The following NLRP9 variants were observed in gnomAD, a reference collection of about 807,000 sequenced individuals.
NLRP9 encodes NLR family pyrin domain containing 9.
A neutral mutation model predicts 83.1 loss-of-function variants in NLRP9; 88 were observed. That is an observed-to-expected ratio of 1.06 (90% CI 0.89 to 1.26). The LOEUF (loss-of-function observed/expected upper bound fraction) is 1.26, where lower values mean the gene tolerates loss of function less well. Ranked by LOEUF, NLRP9 falls within the 50% of genes most tolerant of loss-of-function variation. The pLI is 0.00. For missense variants in NLRP9, 1,308 were observed against 1,179.3 expected (o/e 1.11, Z -1.60); for synonymous variants, 521 against 447.6 (o/e 1.16, Z -2.07).
At chr19:55,723,133 C>A (rs542009316) in intron 4 of NLRP9, among the ~76,000 whole-genome samples, 29 of 152,028 alleles carry the variant, frequency 1.9e-4, no homozygotes, top group Non-Finnish European at 3.8e-4. Flanking sequence ...TACTCCAGAA[C>A]TTAAAGTATA....
At chr19:55,722,200 G>A (rs1271332206) in intron 4 of NLRP9, among the ~76,000 whole-genome samples, 1 of 151,968 alleles carries the variant, frequency 6.6e-6, no homozygotes, top group African/African-American at 2.4e-5. Context: ...ACCCCAAAAG[G>A]CAACATTCCC....
chr19:55,724,156 T>TAA lies in NLRP9; in HGVS notation c.1995-14_1995-13dup. 9 of 1,426,844 alleles carry TAA rather than the reference T, an allele frequency of 6.3e-6. No individual in the cohort carries two copies. Among genetic ancestry groups the TAA allele is most frequent in the East Asian group, 2.6e-5 (1 of 38,684 alleles). The allele number at this position is 1,426,844 out of a possible 1,614,324, so 88.4% of individuals were successfully genotyped here. A position where few individuals can be genotyped will look rare whatever the true frequency, so the allele number is the denominator to read the frequency against. ...ACACAGAAGTAAATCTGCAAAAGATTAAAAAAAAAATAGCATCATGCAATG... is the reference window on the plus strand; with the variant it reads ...ACACAGAAGTAAATCTGCAAAAGATTAAAAAAAAAAAATAGCATCATGCAATG... On this transcript the variant is annotated splice_polypyrimidine_tract_variant and intron_variant, in intron 3 of 8. Transcript: ENST00000332836.
Position 55,736,628 on chromosome 19 carries a change from G to A in NLRP9, c.280+1467C>T, listed in dbSNP as rs187286288. On this transcript the variant is annotated intron_variant, in intron 1 of 8. Transcript: ENST00000332836. Reference sequence around the variant, plus strand: ...GCAGGAGGATCATCTGAGGTCAGGAGTTTGAGACCAGCCTGACCAACATGG... The same window carrying A: ...GCAGGAGGATCATCTGAGGTCAGGAATTTGAGACCAGCCTGACCAACATGG... Among the ~76,000 whole-genome samples the A allele has an allele frequency of 6.6e-4, 101 of 152,004 alleles. 1 individual carries two copies. The highest frequency in any genetic ancestry group is 5.3e-4 in the Non-Finnish European group (36 of 67,992).
chr19:55,735,816 T>G (rs1351062921), intron 1 of NLRP9, among the ~76,000 whole-genome samples: 1 of 151,408 alleles, frequency 6.6e-6, no homozygotes, highest in Non-Finnish European at 1.5e-5. Flanking sequence ...GCCTCCCGAG[T>G]AGCTGGGATT....
intron 8 of NLRP9, 159 bp downstream of exon 8, chr19:55,711,641 T>C: frequency 1.1e-6 from 1 of 876,282 alleles, no homozygotes; most frequent in Non-Finnish European, 1.8e-6. Context: ...ACAATGTCAA[T>C]GGTTTTTATA....
chr19:55,722,171 G>A (rs990144059), intron 4 of NLRP9, among the ~76,000 whole-genome samples: 7 of 133,812 alleles, frequency 5.2e-5, no homozygotes, highest in African/African-American at 9.3e-5. Flanking sequence ...CCACACTGAA[G>A]TAAATGAATA....
chr19:55,709,772 T>G (rs181837751), intron 8 of NLRP9: 1 of 152,350 alleles, frequency 6.6e-6, no homozygotes, highest in African/African-American at 2.4e-5. Context: ...ACAGCTATCG[T>G]TCTTGCTTTA....
At chr19:55,719,913 C>CT (rs1209166359) in intron 4 of NLRP9, among the ~76,000 whole-genome samples, 10 of 152,182 alleles carry the variant, frequency 6.6e-5, no homozygotes, top group Admixed American at 6.5e-4. Context: ...AGCACATTGC[C>CT]TACAATGGGA....
chr19:55,728,643 C>CA (rs1988471329), intron 3 of NLRP9, among the ~76,000 whole-genome samples: 1 of 152,198 alleles, frequency 6.6e-6, no homozygotes, highest in Admixed American at 6.6e-5. Context: ...ACTTAGCAAA[C>CA]AGGCCTTTCT....
chr19:55,711,672 C>T (rs1274420598), intron 8 of NLRP9, 128 bp downstream of exon 8: 9 of 949,048 alleles, frequency 9.5e-6, no homozygotes, highest in African/African-American at 1.6e-5. Flanking sequence ...TCAACAGGGG[C>T]CCAAGGACAG....
chr19:55,712,098 C>G (rs1260887646), intron 7 of NLRP9, 128 bp from the exon 8 acceptor site: 1 of 941,724 alleles, frequency 1.1e-6, no homozygotes, highest in African/African-American at 1.6e-5. Context: ...GCTTCTCAGC[C>G]AGGACGATTG....
At chr19:55,717,259 C>T (rs549722841) in intron 4 of NLRP9, among the ~76,000 whole-genome samples, 1 of 152,274 alleles carries the variant, frequency 6.6e-6, no homozygotes, top group African/African-American at 2.4e-5. Context: ...TCTCGAACTC[C>T]TGACCTCAAG....
intron 1 of NLRP9, among the ~76,000 whole-genome samples, chr19:55,737,755 A>AAAAAAAAAAAAC (rs1239995780): frequency 6.7e-6 from 1 of 149,782 alleles, no homozygotes; most frequent in African/African-American, 2.5e-5. Context: ...AAAAAAAAAA[A>AAAAAAAAAAAAC]AAAAAGATAG....
At chr19:55,725,568 C>T (rs757143577) in intron 3 of NLRP9, among the ~76,000 whole-genome samples, 7 of 152,102 alleles carry the variant, frequency 4.6e-5, no homozygotes, top group South Asian at 2.1e-4. Context: ...GTGCGGACTG[C>T]GGGCGGAGTG....
At chr19:55,734,376 A>G (rs1218420357) in intron 1 of NLRP9, among the ~76,000 whole-genome samples, 2 of 148,114 alleles carry the variant, frequency 1.4e-5, no homozygotes, top group African/African-American at 2.5e-5. Flanking sequence ...AAAAAAAAAA[A>G]AAAAAAAAAA....
At chr19:55,712,108 G>C (rs113195594) in intron 7 of NLRP9, 138 bp from the exon 8 acceptor site, 19,153 of 842,142 alleles carry the variant, frequency 0.023, 264 homozygotes, top group Non-Finnish European at 0.028. Flanking sequence ...CAGGACGATT[G>C]TGCTCCTGGG....
chr19:55,713,280 T>G (rs1003075972), intron 6 of NLRP9, among the ~76,000 whole-genome samples: 19 of 151,586 alleles, frequency 1.3e-4, no homozygotes, highest in African/African-American at 4.4e-4. Flanking sequence ...CAGTACTTAT[T>G]ACTCCCTAAT....
intron 4 of NLRP9, among the ~76,000 whole-genome samples, chr19:55,722,313 ATACT>A: frequency 6.6e-6 from 1 of 152,314 alleles, no homozygotes; most frequent in East Asian, 1.9e-4. Context: ...ATGGAGCAAA[ATACT>A]ATAGAATTTT....
intron 4 of NLRP9, 96 bp from the exon 5 acceptor site, chr19:55,716,994 G>T: frequency 1.1e-6 from 1 of 883,420 alleles, no homozygotes; most frequent in Non-Finnish European, 1.8e-6. Flanking sequence ...TTCTAGTCTT[G>T]CACCTGCCGA....
Sources: gnomAD v4.1 joint callset for allele counts (sites outside exome capture counted in the v4.1 genomes callset) on GRCh38, gnomAD v4.1.1 for gene constraint, MANE v1.5 for transcripts, NCBI Gene and HGNC (gene_info 2026-07-23, HGNC 2026-07-21) for gene names.